GRM8: variants seen among roughly 807,000 people sequenced by gnomAD.
The protein encoded by GRM8 is glutamate metabotropic receptor 8, also known as metabotropic glutamate receptor 8.
GRM8 carries 47 observed loss-of-function variants against 87.2 expected under a neutral mutation model. The ratio of observed to expected loss-of-function variants is 0.54; its 90% CI spans 0.43 to 0.69. GRM8 has a LOEUF of 0.69. Ranked by LOEUF, GRM8 falls within the 30% of genes least tolerant of loss-of-function variation. The pLI is 0.00. For missense variants in GRM8, 1,019 were observed against 1,139.2 expected (o/e 0.89, Z 1.52); for synonymous variants, 396 against 404.5 (o/e 0.98, Z 0.25).
chr7:127,009,073 G>GT (rs938575283), intron 3 of GRM8, among the ~76,000 whole-genome samples: 659 of 145,140 alleles, frequency 4.5e-3, no homozygotes, highest in East Asian at 0.015. Context: ...CAATGATCCA[G>GT]TTTTTTTTTT....
chr7:126,543,895 A>G (rs1816828327), intron 8 of GRM8, among the ~76,000 whole-genome samples: 1 of 152,250 alleles, frequency 6.6e-6, no homozygotes, highest in Non-Finnish European at 1.5e-5. Flanking sequence ...CAAGAGGCCA[A>G]TCAAATAGTT....
In GRM8 at chr7:127,015,176, GAGAAGAAGAAGA is replaced by G. The variant is rs778849282; in HGVS notation, c.727+91308_727+91319del. ...GAAGAAGGAGAAGGAGAAGGAGAAG[GAGAAGAAGAAGA>G]AGAAGAAGAAGAAGAAGAAGAAGAA... On this transcript the variant is annotated intron_variant, in intron 3 of 10. Coordinates refer to ENST00000339582, the MANE Select transcript of GRM8 (RefSeq NM_000845.3). 8.9e-3 allele frequency among the ~76,000 whole-genome samples: 774 copies of G among 86,624 alleles called. 5 individuals carry two copies. Among genetic ancestry groups the G allele is most frequent in the Admixed American group, 0.014 (95 of 6,772 alleles). 56.8% of individuals were successfully genotyped at this position (86,624 alleles called of 152,430 possible). A position where few individuals can be genotyped will look rare whatever the true frequency, so the allele number is the denominator to read the frequency against.
At position 126,659,279 on chromosome 7, in the gene GRM8, G is replaced by A. The variant is rs557127815; in HGVS notation, c.1358-49781C>T. On this transcript the variant is annotated intron_variant, in intron 7 of 10. Coordinates refer to ENST00000339582, the MANE Select transcript of GRM8 (RefSeq NM_000845.3). ...GAAATAGAAAATCAAGCTATTACAA[G>A]TGGCAGGGGGAACCTACCTGTGGTG... Among the ~76,000 whole-genome samples the A allele has an allele frequency of 6.6e-4, 100 of 152,238 alleles. 1 individual carries two copies. The highest frequency in any genetic ancestry group is 2.2e-3 in the African/African-American group (93 of 41,538).
intron 7 of GRM8, among the ~76,000 whole-genome samples, chr7:126,656,458 C>A (rs1400385527): frequency 6.6e-6 from 1 of 152,078 alleles, no homozygotes; most frequent in African/African-American, 2.4e-5. Flanking sequence ...GCGGGCGGAT[C>A]GCAAGGTCAG....
At chr7:126,696,720 G>A (rs915070625) in intron 7 of GRM8, among the ~76,000 whole-genome samples, 2 of 152,154 alleles carry the variant, frequency 1.3e-5, no homozygotes, top group Non-Finnish European at 2.9e-5. Flanking sequence ...AATCAGAGAA[G>A]ATAGATGCCA....
intron 6 of GRM8, among the ~76,000 whole-genome samples, chr7:126,892,274 C>T (rs1427136042): frequency 6.6e-6 from 1 of 151,970 alleles, no homozygotes; most frequent in Non-Finnish European, 1.5e-5. Flanking sequence ...GGTATATCTC[C>T]TAATGCTATC....
chr7:126,486,864 C>T (rs981993949), intron 9 of GRM8, among the ~76,000 whole-genome samples: 4 of 152,000 alleles, frequency 2.6e-5, no homozygotes, highest in Non-Finnish European at 5.9e-5. Flanking sequence ...ACTAATGTGT[C>T]CCTATGCAAA....
intron 2 of GRM8, among the ~76,000 whole-genome samples, chr7:127,114,242 G>A (rs1826563210): frequency 6.6e-6 from 1 of 152,148 alleles, no homozygotes; most frequent in Non-Finnish European, 1.5e-5. Flanking sequence ...ATTCAGAGCA[G>A]GATGTGAGCC....
chr7:127,175,975 A>G (rs1316831101), intron 2 of GRM8, among the ~76,000 whole-genome samples: 3 of 152,234 alleles, frequency 2.0e-5, no homozygotes, highest in African/African-American at 7.2e-5. Context: ...AAATAATAAT[A>G]GTAACAATGT....
chr7:126,747,692 G>C lies in GRM8; in HGVS notation c.1357+22173C>G, dbSNP rs144174673. ...TTTTCTTTATGCTTACCTTTCTCAG[G>C]ATGCTAATAATATTCTTCCTATTTT... On this transcript the variant is annotated intron_variant, in intron 7 of 10. Transcript: ENST00000339582. Among the ~76,000 whole-genome samples, 41 of 151,896 alleles carry C rather than the reference G, an allele frequency of 2.7e-4. No homozygotes were observed. In the East Asian group the frequency reaches 7.5e-3, roughly 28 times the overall value.
chr7:127,250,240 A>G (rs754528167), intron 1 of GRM8, among the ~76,000 whole-genome samples: 1 of 152,252 alleles, frequency 6.6e-6, no homozygotes, highest in South Asian at 2.1e-4. Context: ...TGAAAAGAGC[A>G]CATCTCTCCA....
At chr7:126,715,824 T>C (rs922115738) in intron 7 of GRM8, among the ~76,000 whole-genome samples, 2 of 152,228 alleles carry the variant, frequency 1.3e-5, no homozygotes, top group Non-Finnish European at 2.9e-5. Flanking sequence ...ACCTTACTCC[T>C]ATCTTTTCAA....
intron 2 of GRM8, among the ~76,000 whole-genome samples, chr7:127,186,694 A>C (rs1418729766): frequency 6.6e-6 from 1 of 152,218 alleles, no homozygotes; most frequent in Non-Finnish European, 1.5e-5. Context: ...AAACGTGTAC[A>C]AAGAGAATAT....
intron 9 of GRM8, among the ~76,000 whole-genome samples, chr7:126,501,228 A>G (rs1809597461): frequency 6.6e-6 from 1 of 152,038 alleles, no homozygotes; most frequent in Non-Finnish European, 1.5e-5. Context: ...GTGGAAAATG[A>G]TTTTTTAAAA....
intron 6 of GRM8, among the ~76,000 whole-genome samples, chr7:126,889,929 A>C (rs1483105056): frequency 6.6e-6 from 1 of 152,102 alleles, no homozygotes; most frequent in African/African-American, 2.4e-5. Flanking sequence ...AAATGATAGA[A>C]AATCCGATCC....
chr7:127,053,794 A>G (rs1819709832), intron 3 of GRM8, among the ~76,000 whole-genome samples: 1 of 84,838 alleles, frequency 1.2e-5, no homozygotes, highest in Non-Finnish European at 2.8e-5. Context: ...TCTCAAAAAA[A>G]AAAAGGGGGG....
chr7:127,008,393 C>A (rs1177067082), intron 3 of GRM8, among the ~76,000 whole-genome samples: 4 of 152,028 alleles, frequency 2.6e-5, no homozygotes, highest in African/African-American at 9.7e-5. Flanking sequence ...AAGAAGAAAA[C>A]ATGCCAAATG....
At chr7:126,676,450 AATCAC>A (rs1450465599) in intron 7 of GRM8, among the ~76,000 whole-genome samples, 1 of 152,140 alleles carries the variant, frequency 6.6e-6, no homozygotes, top group African/African-American at 2.4e-5. Context: ...AAACCAGAGG[AATCAC>A]ATTACCTGAC....
intron 8 of GRM8, among the ~76,000 whole-genome samples, chr7:126,578,546 C>T (rs1795312108): frequency 6.6e-6 from 1 of 152,162 alleles, no homozygotes; most frequent in South Asian, 2.1e-4. Context: ...CTGTTCCTTT[C>T]TCTTCTTCCA....
Sources: gnomAD v4.1 joint callset for allele counts (sites outside exome capture counted in the v4.1 genomes callset) on GRCh38, gnomAD v4.1.1 for gene constraint, MANE v1.5 for transcripts, NCBI Gene and HGNC (gene_info 2026-07-23, HGNC 2026-07-21) for gene names.